Variants in MYO18B observed in about 807,000 individuals in gnomAD.
MYO18B encodes the protein myosin XVIIIB.
A neutral mutation model predicts 273.0 loss-of-function variants in MYO18B; 204 were observed. That is an observed-to-expected ratio of 0.75 (90% CI 0.67 to 0.84). The LOEUF (loss-of-function observed/expected upper bound fraction) is 0.84, where lower values mean the gene tolerates loss of function less well. Among genes scored for constraint, MYO18B ranks in the 40% least tolerant of loss-of-function variants. MYO18B has a pLI of 0.00. For missense variants in MYO18B, 3,212 were observed against 3,287.6 expected (o/e 0.98, Z 0.56); for synonymous variants, 1,330 against 1,305.7 (o/e 1.02, Z -0.40).
rs534431130 is a variant in MYO18B, at chr22:25,913,706, A to T, written c.5364+2656A>T. Among the ~76,000 whole-genome samples, 21 of 152,298 alleles carry T rather than the reference A, an allele frequency of 1.4e-4. No homozygotes were observed. In the South Asian group the frequency reaches 4.4e-3, roughly 32 times the overall value. On this transcript the variant is annotated intron_variant, in intron 33 of 43. Coordinates refer to ENST00000335473, the MANE Select transcript of MYO18B (RefSeq NM_032608.7). ...TCTTATGTGAATTGCCTATTCATAG[A>T]AGTTTGTCTCCTTTTTCTCTATTGA...
chr22:25,775,884 TAA>T (rs35877157), intron 7 of MYO18B, among the ~76,000 whole-genome samples: 4 of 147,558 alleles, frequency 2.7e-5, no homozygotes, highest in African/African-American at 9.9e-5. Flanking sequence ...AGCAGGGACT[TAA>T]AAAAAAAAAA....
chr22:25,915,770 T>C (rs1471477918), intron 33 of MYO18B, among the ~76,000 whole-genome samples: 1 of 152,212 alleles, frequency 6.6e-6, no homozygotes, highest in African/African-American at 2.4e-5. Flanking sequence ...TAGTCATATG[T>C]TTTCAATACA....
chr22:25,890,861 G>GTCCAGGAGC lies in MYO18B; in HGVS notation c.4423_4431dup (p.Gln1475_Leu1477dup). 2 of 1,613,786 alleles carry GTCCAGGAGC rather than the reference G, an allele frequency of 1.2e-6. No homozygotes were observed. Among genetic ancestry groups the GTCCAGGAGC allele is most frequent in the Non-Finnish European group, 1.7e-6 (2 of 1,179,846 alleles). ...AGAGCGGCTACAGGCCTTCCGGGAG[G>GTCCAGGAGC]TCCAGGAGCTCAAGGTGAGTGGTCA... On this transcript the variant is annotated inframe_insertion, in exon 26 of 44. Coordinates refer to ENST00000335473, the MANE Select transcript of MYO18B (RefSeq NM_032608.7).
chr22:25,775,051 C>T (rs1298724743), intron 7 of MYO18B, among the ~76,000 whole-genome samples: 1 of 152,238 alleles, frequency 6.6e-6, no homozygotes, highest in Non-Finnish European at 1.5e-5. Context: ...GTGCAGAATT[C>T]TTCCTTCTCC....
intron 39 of MYO18B, among the ~76,000 whole-genome samples, chr22:25,965,759 G>A (rs2092971007): frequency 6.6e-6 from 1 of 152,180 alleles, no homozygotes; most frequent in African/African-American, 2.4e-5. Flanking sequence ...TTGTAAGCTT[G>A]TATCATTTAA....
intron 17 of MYO18B, among the ~76,000 whole-genome samples, chr22:25,840,992 C>T (rs1297608560): frequency 6.6e-6 from 1 of 152,224 alleles, no homozygotes; most frequent in Non-Finnish European, 1.5e-5. Context: ...TTCTGGTTGG[C>T]TCTGAGTTAA....
At chr22:25,745,582 T>G (rs2085756534) in intron 1 of MYO18B, among the ~76,000 whole-genome samples, 1 of 152,104 alleles carries the variant, frequency 6.6e-6, no homozygotes, top group African/African-American at 2.4e-5. Context: ...ACAGCCTGAC[T>G]CATCCAGTTT....
chr22:25,838,962 T>A (rs1007376795), intron 17 of MYO18B, among the ~76,000 whole-genome samples: 2 of 151,920 alleles, frequency 1.3e-5, no homozygotes, highest in African/African-American at 4.8e-5. Context: ...TCTAGTTGTT[T>A]GTATATGTGA....
chr22:25,941,023 G>A (rs1331539464), intron 34 of MYO18B, among the ~76,000 whole-genome samples: 1 of 152,164 alleles, frequency 6.6e-6, no homozygotes, highest in African/African-American at 2.4e-5. Context: ...TAGTACGCAC[G>A]GAGGAAGGTG....
chr22:25,772,231 C>A, intron 6 of MYO18B, 103 bp from the exon 7 acceptor site: 1 of 1,084,992 alleles, frequency 9.2e-7, no homozygotes, highest in Non-Finnish European at 1.3e-6. Context: ...ACATAGCTCT[C>A]AAGAGGAGGG....
intron 2 of MYO18B, 121 bp downstream of exon 2, chr22:25,761,252 T>C: frequency 1.8e-6 from 2 of 1,116,780 alleles, no homozygotes; most frequent in Admixed American, 1.7e-5. Context: ...CCTAGTAGCA[T>C]GTGCAATCCC....
At chr22:25,949,107 T>C (rs1350003224) in intron 36 of MYO18B, among the ~76,000 whole-genome samples, 1 of 152,120 alleles carries the variant, frequency 6.6e-6, no homozygotes, top group Non-Finnish European at 1.5e-5. Context: ...TTTTATTTTA[T>C]GGTTGAAGGG....
the MYO18B span, among the ~76,000 whole-genome samples, chr22:26,061,247 C>T: frequency 6.6e-6 from 1 of 152,310 alleles, no homozygotes; most frequent in Admixed American, 6.5e-5. Context: ...CCTTCCATCC[C>T]CTGTATAACC....
At chr22:25,819,897 T>TAATA (rs2089199804) in intron 12 of MYO18B, among the ~76,000 whole-genome samples, 1 of 150,966 alleles carries the variant, frequency 6.6e-6, no homozygotes, top group Non-Finnish European at 1.5e-5. Flanking sequence ...GAAGATTTAA[T>TAATA]AATAACAATA....
At chr22:25,902,805 C>T (rs1042895909) in intron 30 of MYO18B, 69 bp downstream of exon 30, 1 of 1,499,948 alleles carries the variant, frequency 6.7e-7, no homozygotes, top group Non-Finnish European at 9.0e-7. Flanking sequence ...GCATCGTGCA[C>T]CTGCTGCAAA....
At chr22:25,950,698 A>C (rs1016243968) in intron 37 of MYO18B, among the ~76,000 whole-genome samples, 2 of 152,038 alleles carry the variant, frequency 1.3e-5, no homozygotes, top group African/African-American at 4.8e-5. Flanking sequence ...CAGCCTCCCA[A>C]GTAGCTGGGA....
At chr22:25,969,650 GAGTAGGCATA>G (rs907757634) in intron 39 of MYO18B, among the ~76,000 whole-genome samples, 16 of 148,298 alleles carry the variant, frequency 1.1e-4, no homozygotes, top group African/African-American at 3.5e-4. Flanking sequence ...GCTTAGCACA[GAGTAGGCATA>G]AAAAAATACA....
At position 25,919,666 on chromosome 22, in the gene MYO18B, T is replaced by TTG. The variant is rs977900012; in HGVS notation, c.5365-1581_5365-1580dup. Among the ~76,000 whole-genome samples the TTG allele has an allele frequency of 5.0e-3, 698 of 138,472 alleles. 2 individuals carry two copies. Among genetic ancestry groups the TTG allele is most frequent in the African/African-American group, 0.019 (675 of 35,186 alleles). The allele number at this position is 138,472 out of a possible 152,430, so 90.8% of individuals were successfully genotyped here. The stretch of plus-strand genomic sequence containing the variant: ...CCTTAACTCAGTTCAGCAGGTGAGA[T>TTG]TGTGTGTGTGTATGTGTGTGTGTGT... On this transcript the variant is annotated intron_variant, in intron 33 of 43. Transcript: ENST00000335473.
Position 26,027,798 on chromosome 22 carries a change from G to C in MYO18B, c.*12+108G>C. 1 of 1,233,198 alleles carries C rather than the reference G, an allele frequency of 8.1e-7. No individual in the cohort carries two copies. The allele number at this position is 1,233,198 out of a possible 1,614,324, so 76.4% of individuals were successfully genotyped here. On this transcript the variant is annotated intron_variant, in intron 43 of 43. Transcript: ENST00000335473. This position sits in a 1 kb window ranked among gnomAD's most constrained non-coding sequence, Gnocchi z 4.1. The stretch of plus-strand genomic sequence containing the variant: ...CTTAATGCCACAACCGATTTCTCTA[G>C]AGACCAAGATTTTTAGAGGTTTTAG...
Sources: allele counts gnomAD v4.1 joint callset (sites outside exome capture counted in the v4.1 genomes callset), GRCh38; gene constraint gnomAD v4.1.1; non-coding constraint Gnocchi (gnomAD v3.1); transcripts MANE v1.5; gene names NCBI Gene and HGNC (gene_info 2026-07-23, HGNC 2026-07-21).